Variants in AMMECR1 observed in about 807,000 individuals in gnomAD.
The protein encoded by AMMECR1 is nuclear protein AMMECR1.
A neutral mutation model predicts 22.5 loss-of-function variants in AMMECR1; 3 were observed. The ratio of observed to expected loss-of-function variants is 0.13; its 90% CI spans 0.06 to 0.35. The LOEUF (loss-of-function observed/expected upper bound fraction) is 0.35. AMMECR1 is among the 10% of genes least tolerant of loss of function. The pLI, the probability that AMMECR1 is intolerant of heterozygous loss-of-function variation, is 1.00. For missense variants in AMMECR1, 235 were observed against 278.7 expected (o/e 0.84, Z 1.12); for synonymous variants, 130 against 116.7 (o/e 1.11, Z -0.74).
chrX:110,247,185 A>G (rs1463054382), intron 2 of AMMECR1, among the ~76,000 whole-genome samples: 2 of 112,389 alleles, frequency 1.8e-5, no homozygotes, highest in Non-Finnish European at 3.8e-5. Context: ...TGTGAAATAA[A>G]AACTTCTTAC....
At chrX:110,429,568 C>T (rs1178631961) in intron 1 of AMMECR1, among the ~76,000 whole-genome samples, 4 of 109,006 alleles carry the variant, frequency 3.7e-5, no homozygotes, top group African/African-American at 1.0e-4. Flanking sequence ...CTGCAACCTC[C>T]GCCTCCTGGG....
chrX:110,338,918 T>C (rs2068151068), intron 2 of AMMECR1, among the ~76,000 whole-genome samples: 1 of 111,831 alleles, frequency 8.9e-6, no homozygotes, highest in Non-Finnish European at 1.9e-5. Flanking sequence ...GGGAACTGCC[T>C]GGGGTGCCAA....
intron 3 of AMMECR1, among the ~76,000 whole-genome samples, chrX:110,213,033 C>T (rs1340671636): frequency 1.8e-5 from 2 of 111,898 alleles, no homozygotes; most frequent in Non-Finnish European, 3.8e-5. Context: ...AAAAAATTTT[C>T]TTCTTTGATA....
At chrX:110,259,785 G>A (rs1174434383) in intron 2 of AMMECR1, among the ~76,000 whole-genome samples, 2 of 109,696 alleles carry the variant, frequency 1.8e-5, no homozygotes, top group Non-Finnish European at 3.8e-5. Flanking sequence ...TAGAGACGGA[G>A]TTTCACCGTG....
At chrX:110,316,921 G>A (rs1438793327) in intron 1 of AMMECR1, among the ~76,000 whole-genome samples, 12 of 107,914 alleles carry the variant, frequency 1.1e-4, no homozygotes, top group African/African-American at 3.7e-4. Context: ...AAAAAAAAAA[G>A]GTCGCACTCT....
chrX:110,375,161 C>T (rs1418628846), intron 2 of AMMECR1, among the ~76,000 whole-genome samples: 1 of 111,427 alleles, frequency 9.0e-6, no homozygotes, highest in Non-Finnish European at 1.9e-5. Context: ...TGTAATAAAA[C>T]TGGAATTGCA....
intron 2 of AMMECR1, among the ~76,000 whole-genome samples, chrX:110,254,073 A>G (rs1485097113): frequency 1.8e-5 from 2 of 110,748 alleles, no homozygotes; most frequent in Non-Finnish European, 3.8e-5. Context: ...GAGATAACCC[A>G]TTTCCTAGCA....
chrX:110,427,738 A>G (rs371490161), intron 1 of AMMECR1, among the ~76,000 whole-genome samples: 1 of 112,164 alleles, frequency 8.9e-6, no homozygotes, highest in East Asian at 2.8e-4. Context: ...TTTAAGGTCT[A>G]TCTCTTTGGT....
chrX:110,222,755 G>A (rs757396079), intron 2 of AMMECR1, among the ~76,000 whole-genome samples: 2 of 110,606 alleles, frequency 1.8e-5, no homozygotes, highest in South Asian at 7.7e-4. Flanking sequence ...GGCTCAAATA[G>A]AGACATATGC....
At chrX:110,243,339 T>C (rs1418762164) in intron 2 of AMMECR1, among the ~76,000 whole-genome samples, 1 of 111,862 alleles carries the variant, frequency 8.9e-6, no homozygotes, top group East Asian at 2.8e-4. Context: ...ACCTAAGAGT[T>C]TCATAGTTAG....
chrX:110,216,605 T>C lies in AMMECR1; in HGVS notation c.612A>G (p.Pro204=). 2 of 1,206,301 alleles carry C rather than the reference T, an allele frequency of 1.7e-6. No homozygotes were observed. Among genetic ancestry groups the C allele is most frequent in the Non-Finnish European group, 2.2e-6 (2 of 891,379 alleles). ...GCCGTGGCAGCTCATCCCTTGTCAT[T>C]GGGGGAAAACGGCTATCTTTAAGGG... is the stretch of plus-strand genomic sequence containing the variant. The part of the protein sequence containing the change: ...TSALKDSRFP[P]MTRDELPRLF... The change falls in exon 3 of 6, where the codon CCA becomes CCG. Residue 204 remains proline (P), a synonymous_variant. Transcript: ENST00000262844.
chrX:110,296,306 A>T (rs140270084), intron 1 of AMMECR1, among the ~76,000 whole-genome samples: 2,704 of 111,550 alleles, frequency 0.024, 79 homozygotes, highest in African/African-American at 0.084. Context: ...GAGTCTCTTC[A>T]CTCTTGCTGC....
At chrX:110,393,324 G>T (rs966018901) in intron 2 of AMMECR1, among the ~76,000 whole-genome samples, 1 of 112,132 alleles carries the variant, frequency 8.9e-6, no homozygotes, top group Admixed American at 9.4e-5. Context: ...GCCTGGCAGA[G>T]AGCAGACACT....
At chrX:110,291,964 T>A (rs1019587650) in intron 1 of AMMECR1, among the ~76,000 whole-genome samples, 1 of 111,876 alleles carries the variant, frequency 8.9e-6, no homozygotes, top group Non-Finnish European at 1.9e-5. Context: ...AAAACACCCA[T>A]AGAATGGAAT....
intron 1 of AMMECR1, among the ~76,000 whole-genome samples, chrX:110,296,934 A>G (rs776851964): frequency 1.8e-5 from 2 of 110,523 alleles, no homozygotes; most frequent in African/African-American, 6.6e-5. Flanking sequence ...GTTGGTTTTA[A>G]TTTTTTTTAG....
intron 1 of AMMECR1, among the ~76,000 whole-genome samples, chrX:110,294,448 T>C (rs1236110188): frequency 8.9e-6 from 1 of 111,960 alleles, no homozygotes; most frequent in Non-Finnish European, 1.9e-5. Flanking sequence ...CTTCTGAGAG[T>C]ACCAGTTCAA....
At chrX:110,349,484 C>T (rs2068203101) in intron 2 of AMMECR1, among the ~76,000 whole-genome samples, 1 of 111,360 alleles carries the variant, frequency 9.0e-6, no homozygotes, top group South Asian at 3.8e-4. Context: ...AGGGCCTCAA[C>T]GTATGAATTT....
At position 110,247,245 on chromosome X, in the gene AMMECR1, C is replaced by A. The variant is rs187346584; in HGVS notation, c.584+17244G>T. 2.4e-3 allele frequency among the ~76,000 whole-genome samples: 267 copies of A among 112,075 alleles called. 1 individual carries two copies. The highest frequency in any genetic ancestry group is 8.0e-3 in the African/African-American group (246 of 30,862). On this transcript the variant is annotated intron_variant, in intron 2 of 5. Transcript: ENST00000262844. ...ATTAGGAAACACGTGACATGGGCTG[C>A]GCATGATAGCTCACTCCTGTAATCC...
intron 2 of AMMECR1, among the ~76,000 whole-genome samples, chrX:110,324,917 C>A (rs987601953): frequency 4.5e-5 from 5 of 110,921 alleles, no homozygotes; most frequent in Admixed American, 2.9e-4. Flanking sequence ...ATTTTTACAT[C>A]TGTATTCATT....
Sources: gnomAD v4.1 joint callset for allele counts (sites outside exome capture counted in the v4.1 genomes callset) on GRCh38, gnomAD v4.1.1 for gene constraint, MANE v1.5 for transcripts, NCBI Gene and HGNC (gene_info 2026-07-23, HGNC 2026-07-21) for gene names.